The following NDE1 variants were observed in gnomAD, a reference collection of about 807,000 sequenced individuals.
The protein encoded by NDE1 is nuclear distribution protein nudE homolog 1.
A neutral mutation model predicts 43.4 loss-of-function variants in NDE1; 28 were observed. The ratio of observed to expected loss-of-function variants is 0.65; its 90% CI spans 0.48 to 0.89. NDE1 has a LOEUF of 0.89. Ranked by LOEUF, NDE1 falls within the 40% of genes least tolerant of loss-of-function variation. The pLI, the probability that NDE1 is intolerant of heterozygous loss-of-function variation, is 0.00. For missense variants in NDE1, 441 were observed against 434.1 expected, an observed-to-expected ratio of 1.02 and a Z score of -0.14; for synonymous variants, 184 against 172.0, an observed-to-expected ratio of 1.07 and a Z score of -0.55.
intron 8 of NDE1, among the ~76,000 whole-genome samples, chr16:15,712,084 G>A (rs2151183323): frequency 6.6e-6 from 1 of 152,302 alleles, no homozygotes; most frequent in Admixed American, 6.5e-5. Flanking sequence ...GGACCACGAG[G>A]TTTGTGATGT....
chr16:15,717,146 TCCTGCTCGA>T lies in NDE1; in HGVS notation c.948-7037_948-7029del, dbSNP rs2040197454. The T allele has an allele frequency of 1.2e-6, 2 of 1,614,166 alleles. No individual in the cohort carries two copies. Among genetic ancestry groups the T allele is most frequent in the Non-Finnish European group, 1.7e-6 (2 of 1,180,020 alleles). On this transcript the variant is annotated intron_variant, in intron 8 of 8. Coordinates refer to ENST00000396354, the MANE Select transcript of NDE1 (RefSeq NM_017668.3). The stretch of plus-strand genomic sequence containing the variant: ...GAACTCCACACCCGCATACCTGGCC[TCCTGCTCGA>T]CCTGCTCCTCCAGCTGTGCAATCTT...
At chr16:15,693,773 C>T (rs1007985029) in intron 6 of NDE1, among the ~76,000 whole-genome samples, 3 of 152,112 alleles carry the variant, frequency 2.0e-5, no homozygotes, top group African/African-American at 4.8e-5. Context: ...AACTCTGTCT[C>T]TACTAAAAAT....
chr16:15,691,090 GAGCC>G, intron 5 of NDE1, 50 bp from the exon 6 acceptor site: 1 of 1,608,132 alleles, frequency 6.2e-7, no homozygotes, highest in Non-Finnish European at 8.5e-7. Context: ...TTATAAACAT[GAGCC>G]ACTGCGCCTG....
In NDE1 at chr16:15,650,287, C is replaced by T. The variant is rs1036512472; in HGVS notation, c.-51C>T. ...CGCCGCCGCGTTGGCCTCGCCGCCC[C>T]TGCTCGGGTAAGTGAGGCGCTGCGC... is the stretch of plus-strand genomic sequence containing the variant. On this transcript the variant is annotated 5_prime_UTR_variant, in exon 1 of 9. Coordinates refer to ENST00000396354, the MANE Select transcript of NDE1 (RefSeq NM_017668.3). 2.9e-5 allele frequency: 9 copies of T among 314,766 alleles called. No homozygotes were observed. The highest frequency in any genetic ancestry group is 1.4e-4 in the Admixed American group (4 of 27,650). 19.5% of individuals were successfully genotyped at this position (314,766 alleles called of 1,614,324 possible).
intron 7 of NDE1, chr16:15,694,785 C>G: frequency 1.0e-6 from 1 of 985,422 alleles, no homozygotes; most frequent in Non-Finnish European, 1.2e-6. Flanking sequence ...CTATGTATGT[C>G]TCTTTCCTTT....
intron 8 of NDE1, chr16:15,711,117 C>CAG (rs2039766997): frequency 1.3e-5 from 2 of 152,390 alleles, no homozygotes; most frequent in East Asian, 3.9e-4. Context: ...GCTCACCATG[C>CAG]AGCGAGTGGG....
chr16:15,724,140 G>A lies in NDE1; in HGVS notation c.948-51G>A, dbSNP rs752766218. On this transcript the variant is annotated intron_variant, in intron 8 of 8. Transcript: ENST00000396354. ...AACCCAGCGTCCATGGCCAGAGTGG[G>A]GGACACCCCACGCCCTCTACCTGAT... 18 of 1,612,082 alleles carry A rather than the reference G, an allele frequency of 1.1e-5. No individual in the cohort carries two copies. In the East Asian group the frequency reaches 3.6e-4, roughly 32 times the overall value.
At chr16:15,716,750 G>C (rs2040171721) in intron 8 of NDE1, among the ~76,000 whole-genome samples, 2 of 152,152 alleles carry the variant, frequency 1.3e-5, no homozygotes, top group Non-Finnish European at 2.9e-5. Flanking sequence ...CTGACCTCAA[G>C]TGATCCACCT....
Position 15,716,662 on chromosome 16 carries a change from T to C in NDE1, c.948-7529T>C, listed in dbSNP as rs141973181. Among the ~76,000 whole-genome samples the C allele has an allele frequency of 2.0e-3, 299 of 152,272 alleles. 1 individual carries two copies. The highest frequency in any genetic ancestry group is 2.5e-3 in the South Asian group (12 of 4,824). On this transcript the variant is annotated intron_variant, in intron 8 of 8. Transcript: ENST00000396354. The stretch of plus-strand genomic sequence containing the variant: ...TCAGTCTCCTGAGTAGCTGAGATAA[T>C]AGGCATGTGCCACCACACTCGGCTA...
chr16:15,683,831 C>T (rs565915497), intron 4 of NDE1, among the ~76,000 whole-genome samples: 35 of 152,088 alleles, frequency 2.3e-4, no homozygotes, highest in Non-Finnish European at 4.4e-4. Context: ...TTGAGGACAT[C>T]CTGGGCAACA....
At chr16:15,683,639 T>G (rs147608117) in intron 4 of NDE1, among the ~76,000 whole-genome samples, 2 of 152,278 alleles carry the variant, frequency 1.3e-5, no homozygotes, top group Non-Finnish European at 2.9e-5. Context: ...AAATATGCTT[T>G]TATACATTAG....
At chr16:15,695,444 G>T in intron 7 of NDE1, 1 of 954,100 alleles carries the variant, frequency 1.0e-6, no homozygotes, top group Non-Finnish European at 1.2e-6. Context: ...GGAGGCGGAG[G>T]TTGCAGTGAG....
rs534361183 is a variant in NDE1 at position 15,677,355 on chromosome 16, G to A, written c.238-446G>A. ...TCCCAGCACTTTGGGAGGCCGAGGC[G>A]TGCAGATCACTTGAGGTGTCAGGAG... On this transcript the variant is annotated intron_variant, in intron 3 of 8. Coordinates refer to ENST00000396354, the MANE Select transcript of NDE1 (RefSeq NM_017668.3). 2.1e-4 allele frequency among the ~76,000 whole-genome samples: 32 copies of A among 152,164 alleles called. 1 individual carries two copies. Among genetic ancestry groups the A allele is most frequent in the Middle Eastern group, 3.4e-3 (1 of 294 alleles).
chr16:15,698,633 T>C (rs1458278078), intron 8 of NDE1, among the ~76,000 whole-genome samples: 1 of 151,986 alleles, frequency 6.6e-6, no homozygotes, highest in Non-Finnish European at 1.5e-5. Flanking sequence ...CAGAAGTGGG[T>C]GGATCACTTG....
At chr16:15,705,537 G>A (rs2039402268) in intron 8 of NDE1, among the ~76,000 whole-genome samples, 1 of 152,168 alleles carries the variant, frequency 6.6e-6, no homozygotes, top group Admixed American at 6.5e-5. Flanking sequence ...AATTATGTTG[G>A]GCTCTGGCCA....
chr16:15,671,713 C>CA (rs2037602355), intron 3 of NDE1, among the ~76,000 whole-genome samples: 1 of 152,042 alleles, frequency 6.6e-6, no homozygotes, highest in African/African-American at 2.4e-5. Context: ...CTGTTGGAGA[C>CA]AGAGTCTCCC....
At chr16:15,721,220 C>T (rs1418451999) in intron 8 of NDE1, 3 of 938,772 alleles carry the variant, frequency 3.2e-6, no homozygotes, top group East Asian at 5.2e-5. Flanking sequence ...CCAGCCTTAT[C>T]CTCGGACCCC....
chr16:15,702,141 T>G (rs1451211822), intron 8 of NDE1: 2 of 152,250 alleles, frequency 1.3e-5, no homozygotes, highest in Non-Finnish European at 2.9e-5. Flanking sequence ...TGTTTCCATG[T>G]TTCCTGTCTC....
intron 5 of NDE1, among the ~76,000 whole-genome samples, chr16:15,690,746 G>A (rs2038709316): frequency 6.6e-6 from 1 of 151,918 alleles, no homozygotes; most frequent in Admixed American, 6.6e-5. Flanking sequence ...TCTTTTTTCT[G>A]ACTGGTATCT....
Sources: gnomAD v4.1 joint callset for allele counts (sites outside exome capture counted in the v4.1 genomes callset) on GRCh38, gnomAD v4.1.1 for gene constraint, MANE v1.5 for transcripts, NCBI Gene and HGNC (gene_info 2026-07-23, HGNC 2026-07-21) for gene names.